Variants in SPEF2 observed in about 807,000 individuals in gnomAD.
SPEF2 encodes sperm flagellar and cilia associated 2, also known as sperm flagella and cilia-associated protein 2.
Under a neutral mutation model 224.6 loss-of-function variants are expected in SPEF2, and 187 were observed. The ratio of observed to expected loss-of-function variants is 0.83; its 90% confidence interval spans 0.74 to 0.94. The LOEUF is 0.94. SPEF2 is among the 40% of genes least tolerant of loss of function. The pLI is 0.00. For synonymous variants in SPEF2, 715 were observed against 707.3 expected (o/e 1.01, Z -0.17); for missense variants, 2,170 against 2,135.6 (o/e 1.02, Z -0.32).
At chr5:35,753,344 G>GCACATAAAA (rs2149727739) in intron 23 of SPEF2, among the ~76,000 whole-genome samples, 1 of 152,182 alleles carries the variant, frequency 6.6e-6, no homozygotes, top group South Asian at 2.1e-4. Flanking sequence ...AAGGATTAAA[G>GCACATAAAA]CACATAAAAC....
intron 1 of SPEF2, among the ~76,000 whole-genome samples, chr5:35,627,554 T>C (rs1046242689): frequency 6.6e-6 from 1 of 152,128 alleles, no homozygotes; most frequent in African/African-American, 2.4e-5. Context: ...ATCAGGCCAC[T>C]GCACTCAGAG....
intron 5 of SPEF2, 87 bp downstream of exon 5, chr5:35,646,894 A>G: frequency 1.4e-6 from 2 of 1,433,920 alleles, no homozygotes; most frequent in Non-Finnish European, 1.9e-6. Flanking sequence ...ACTTTCCAAA[A>G]CTTCACATTT....
chr5:35,749,367 A>G (rs1161988346), intron 23 of SPEF2, among the ~76,000 whole-genome samples: 1 of 152,154 alleles, frequency 6.6e-6, no homozygotes, highest in Non-Finnish European at 1.5e-5. Context: ...ATCAGACTAG[A>G]GAAAGAAAGA....
At chr5:35,650,841 C>A (rs1286536656) in intron 6 of SPEF2, among the ~76,000 whole-genome samples, 1 of 152,172 alleles carries the variant, frequency 6.6e-6, no homozygotes, top group African/African-American at 2.4e-5. Context: ...TTCAGAAACC[C>A]CAAAACAACA....
intron 2 of SPEF2, among the ~76,000 whole-genome samples, chr5:35,640,977 A>G (rs1746556021): frequency 6.6e-6 from 1 of 152,188 alleles, no homozygotes; most frequent in South Asian, 2.1e-4. Context: ...ATATGATGTT[A>G]TACACGCTTT....
At chr5:35,784,313 A>G (rs1300031207) in intron 30 of SPEF2, among the ~76,000 whole-genome samples, 4 of 152,082 alleles carry the variant, frequency 2.6e-5, no homozygotes, top group African/African-American at 4.8e-5. Flanking sequence ...TATTTTTAGT[A>G]GAGACAAGGT....
intron 33 of SPEF2, among the ~76,000 whole-genome samples, chr5:35,797,317 G>GGTGTGTCTGTGTGTGTGT (rs369368858): frequency 4.3e-4 from 61 of 142,198 alleles, no homozygotes; most frequent in African/African-American, 9.0e-4. Flanking sequence ...ATGGCTGACG[G>GGTGTGTCTGTGTGTGTGT]GTGTGTGTGT....
chr5:35,671,310 G>GA, intron 10 of SPEF2: 1 of 963,480 alleles, frequency 1.0e-6, no homozygotes, highest in Non-Finnish European at 1.2e-6. Flanking sequence ...AAAAGATAAG[G>GA]AAAAATATGA....
intron 29 of SPEF2, among the ~76,000 whole-genome samples, chr5:35,776,829 C>T (rs1182771326): frequency 6.6e-6 from 1 of 152,208 alleles, no homozygotes; most frequent in African/African-American, 2.4e-5. Flanking sequence ...GACTGATTCT[C>T]TTGTAAGACC....
chr5:35,760,178 G>A (rs1751037814), intron 25 of SPEF2, among the ~76,000 whole-genome samples: 1 of 151,938 alleles, frequency 6.6e-6, no homozygotes, highest in East Asian at 1.9e-4. Context: ...TGGCTAACAC[G>A]GTGAAACCCC....
At chr5:35,808,961 T>A (rs1758376191) in intron 36 of SPEF2, among the ~76,000 whole-genome samples, 1 of 151,774 alleles carries the variant, frequency 6.6e-6, no homozygotes, top group Non-Finnish European at 1.5e-5. Flanking sequence ...GATTACAGCA[T>A]GTAAGAACAC....
At chr5:35,760,925 A>G (rs575215897) in intron 25 of SPEF2, among the ~76,000 whole-genome samples, 5 of 152,222 alleles carry the variant, frequency 3.3e-5, no homozygotes, top group Non-Finnish European at 7.3e-5. Flanking sequence ...AGTATAGTGA[A>G]GAATTAAAAC....
intron 19 of SPEF2, chr5:35,710,927 A>T: frequency 1.0e-6 from 1 of 974,966 alleles, no homozygotes; most frequent in Non-Finnish European, 1.2e-6. Context: ...TAGAAAGGTT[A>T]ATCTCGAGAG....
intron 19 of SPEF2, among the ~76,000 whole-genome samples, chr5:35,712,283 CA>C (rs1359480136): frequency 4.6e-5 from 7 of 151,680 alleles, no homozygotes; most frequent in Admixed American, 4.6e-4. Context: ...TTTTTAGAGA[CA>C]GGGTCTCACT....
chr5:35,786,219 G>T (rs2149815675), intron 30 of SPEF2, among the ~76,000 whole-genome samples: 2 of 152,344 alleles, frequency 1.3e-5, no homozygotes, highest in Middle Eastern at 6.8e-3. Context: ...TAATACGGAA[G>T]ATTGACAAGT....
intron 7 of SPEF2, among the ~76,000 whole-genome samples, chr5:35,656,564 C>T (rs749460218): frequency 3.3e-5 from 5 of 152,154 alleles, no homozygotes; most frequent in Non-Finnish European, 7.3e-5. Context: ...AAATTTTGAA[C>T]ACATTTCTAT....
Position 35,788,526 on chromosome 5 carries a change from G to A in SPEF2, c.4448-3814G>A, listed in dbSNP as rs757719293. 4.1e-5 allele frequency: 29 copies of A among 702,378 alleles called. 1 individual carries two copies. The highest frequency in any genetic ancestry group is 7.4e-5 in the South Asian group (5 of 67,514). 43.5% of individuals were successfully genotyped at this position (702,378 alleles called of 1,614,324 possible). A position where few individuals can be genotyped will look rare whatever the true frequency, so the allele number is the denominator to read the frequency against. ...GTCTATGTGCAGTTTGCACATGCAG[G>A]AAAGGTGCACTGTCAAATTGTTGGG... is the stretch of plus-strand genomic sequence containing the variant. On this transcript the variant is annotated intron_variant, in intron 30 of 36. Transcript: ENST00000356031.
rs776176936 is a variant in SPEF2, at chr5:35,695,689, G to A, written c.1976-46G>A. On this transcript the variant is annotated intron_variant, in intron 13 of 36. Transcript: ENST00000356031. Reference sequence around the variant, plus strand: ...TGGTCAAATACTGCTTTGGTTGTTAGGTGTAAATACCAGAAATTTGTTCTT... The same window carrying A: ...TGGTCAAATACTGCTTTGGTTGTTAAGTGTAAATACCAGAAATTTGTTCTT... 2.7e-6 allele frequency: 4 copies of A among 1,492,674 alleles called. No individual in the cohort carries two copies. The South Asian group carries it at 3.6e-5, about 13-fold the overall frequency. The allele number at this position is 1,492,674 out of a possible 1,614,324, so 92.5% of individuals were successfully genotyped here.
At position 35,771,676 on chromosome 5, in the gene SPEF2, A is replaced by T; in HGVS notation, c.3869A>T (p.Glu1290Val). 1 of 1,612,112 alleles carries T rather than the reference A, an allele frequency of 6.2e-7. No individual in the cohort carries two copies. The highest frequency in any genetic ancestry group is 8.5e-7 in the Non-Finnish European group (1 of 1,179,450). Reference sequence around the variant, plus strand: ...GAAAACCAGCCAGCAGACCCCAAAGAAAAATCTCCTCAGATGGGTGCAAAT... The same window carrying T: ...GAAAACCAGCCAGCAGACCCCAAAGTAAAATCTCCTCAGATGGGTGCAAAT... ...EKENQPADPK[E>V]KSPQMGANKK... The change falls in exon 27 of 37, where the codon GAA becomes GTA. Residue 1290 changes from glutamate (E) to valine (V), a missense_variant. Coordinates refer to ENST00000356031, the MANE Select transcript of SPEF2 (RefSeq NM_024867.4).
Sources: allele counts gnomAD v4.1 joint callset (sites outside exome capture counted in the v4.1 genomes callset), GRCh38; gene constraint gnomAD v4.1.1; transcripts MANE v1.5; gene names NCBI Gene and HGNC (gene_info 2026-07-23, HGNC 2026-07-21).